RPGRIP1L: variants seen among roughly 807,000 people sequenced by gnomAD.
The protein encoded by RPGRIP1L is protein fantom.
RPGRIP1L carries 131 observed loss-of-function variants against 160.4 expected under a neutral mutation model. The ratio of observed to expected loss-of-function variants is 0.82; its 90% confidence interval spans 0.71 to 0.94. The LOEUF (loss-of-function observed/expected upper bound fraction) is 0.94. Ranked by LOEUF, RPGRIP1L falls within the 40% of genes least tolerant of loss-of-function variation. The pLI is 0.00. For synonymous variants in RPGRIP1L, 510 were observed against 515.8 expected, an observed-to-expected ratio of 0.99 and a Z score of 0.15; for missense variants, 1,522 against 1,535.8, an observed-to-expected ratio of 0.99 and a Z score of 0.15.
rs1302178966 is a variant in RPGRIP1L, at chr16:53,664,863, A to T, written c.1243+7T>A. On this transcript the variant is annotated splice_region_variant and intron_variant, in intron 10 of 26. Transcript: ENST00000647211. The stretch of plus-strand genomic sequence containing the variant: ...AATGAGTAAGGCAGTGGTTATTTCA[A>T]ATGTACCTCTTTCAGTTTTTAATCT... The T allele has an allele frequency of 4.4e-6, 7 of 1,609,026 alleles. No homozygotes were observed. The highest frequency in any genetic ancestry group is 5.9e-6 in the Non-Finnish European group (7 of 1,179,714).
chr16:53,692,730 C>T (rs144376049), intron 3 of RPGRIP1L, among the ~76,000 whole-genome samples: 247 of 152,316 alleles, frequency 1.6e-3, no homozygotes, highest in Non-Finnish European at 2.5e-3. Flanking sequence ...GTTATATCTG[C>T]AATCCACAGT....
rs747502015 is a variant in RPGRIP1L, at chr16:53,611,006, A to C, written c.3662T>G (p.Leu1221Ter). 1 of 1,613,396 alleles carries C rather than the reference A, an allele frequency of 6.2e-7. No individual in the cohort carries two copies. The highest frequency in any genetic ancestry group is 8.5e-7 in the Non-Finnish European group (1 of 1,179,422). Residue 1221 changes from leucine (L) to a stop codon, truncating the protein, a stop_gained, in exon 25 of 27, where the codon TTA (leucine) becomes TGA (stop). Transcript: ENST00000647211. LOFTEE classifies it high-confidence loss of function. ...KENNKAKRDI[L>*]KAILQKQEMP... ...CTCTTGTTTTTGTAGTATAGCTTTT[A>C]AGATGTCTCTCTTTGCTTTGTTGTT...
intron 24 of RPGRIP1L, among the ~76,000 whole-genome samples, chr16:53,615,764 G>A (rs963189469): frequency 6.6e-6 from 1 of 151,108 alleles, no homozygotes; most frequent in African/African-American, 2.4e-5. Flanking sequence ...ATGCCAGGAC[G>A]ACTTTTGTAT....
At chr16:53,637,615 A>G in intron 21 of RPGRIP1L, 80 bp downstream of exon 21, 1 of 1,224,344 alleles carries the variant, frequency 8.2e-7, no homozygotes, top group South Asian at 1.2e-5. Flanking sequence ...TTAAATGAAG[A>G]TGTTCTATGA....
chr16:53,669,389 G>T, intron 9 of RPGRIP1L, among the ~76,000 whole-genome samples: 1 of 151,508 alleles, frequency 6.6e-6, no homozygotes, highest in South Asian at 2.1e-4. Flanking sequence ...TAAACTTCAC[G>T]TGTGAGCAGC....
intron 23 of RPGRIP1L, 78 bp downstream of exon 23, chr16:53,622,141 G>T: frequency 2.0e-6 from 1 of 488,710 alleles, no homozygotes; most frequent in East Asian, 3.4e-5. Context: ...GAGGTGGGCG[G>T]ATCATGAGGT....
intron 9 of RPGRIP1L, among the ~76,000 whole-genome samples, chr16:53,667,489 A>G (rs1245236982): frequency 2.0e-5 from 3 of 152,220 alleles, no homozygotes; most frequent in Non-Finnish European, 4.4e-5. Flanking sequence ...TGTAATCCCA[A>G]TGCTTTGGGA....
intron 22 of RPGRIP1L, among the ~76,000 whole-genome samples, chr16:53,629,400 G>A (rs62050405): frequency 0.058 from 8,766 of 151,934 alleles, 434 homozygotes; most frequent in African/African-American, 0.14. Context: ...TAGGTCTCTG[G>A]TGGGGCCAAG....
intron 10 of RPGRIP1L, among the ~76,000 whole-genome samples, chr16:53,662,632 G>T (rs1209324533): frequency 6.6e-6 from 1 of 151,884 alleles, no homozygotes; most frequent in African/African-American, 2.4e-5. Flanking sequence ...GACAGTTTCG[G>T]TTTTTTTGTG....
intron 3 of RPGRIP1L, 57 bp from the exon 4 acceptor site, chr16:53,692,421 C>T: frequency 6.6e-6 from 10 of 1,509,636 alleles, no homozygotes; most frequent in Non-Finnish European, 9.2e-6. Context: ...AAAATCCATT[C>T]TGTTGAAAGG....
chr16:53,614,813 AT>A (rs1331326175), intron 24 of RPGRIP1L, among the ~76,000 whole-genome samples: 1 of 152,212 alleles, frequency 6.6e-6, no homozygotes, highest in Non-Finnish European at 1.5e-5. Flanking sequence ...GACTTGTATG[AT>A]TTTGACATAA....
At position 53,652,642 on chromosome 16, in the gene RPGRIP1L, A is replaced by C. The variant is rs1248595505; in HGVS notation, c.2045T>G (p.Val682Gly). The C allele has an allele frequency of 1.2e-6, 2 of 1,613,618 alleles. No homozygotes were observed. The highest frequency in any genetic ancestry group is 1.7e-6 in the Non-Finnish European group (2 of 1,179,626). Reference sequence around the variant, plus strand: ...ATATTCTGTGCTATAAGCCTGGTGGACCTCAAGGGTGATAGTATTCTTCTG... The same window carrying C: ...ATATTCTGTGCTATAAGCCTGGTGGCCCTCAAGGGTGATAGTATTCTTCTG... ...YIQKNTITLE[V>G]HQAYSTEYET... The change falls in exon 15 of 27, where the codon GTC becomes GGC. Residue 682 changes from valine (V) to glycine (G), a missense_variant. By Grantham distance (109) the Val-to-Gly change is moderately radical (BLOSUM62 -3). Coordinates refer to ENST00000647211, the MANE Select transcript of RPGRIP1L (RefSeq NM_015272.5).
intron 25 of RPGRIP1L, among the ~76,000 whole-genome samples, chr16:53,606,932 GA>G (rs1355639374): frequency 6.6e-6 from 1 of 152,052 alleles, no homozygotes; most frequent in African/African-American, 2.4e-5. Flanking sequence ...ATTTTTATTA[GA>G]AAATAGAAAT....
intron 24 of RPGRIP1L, among the ~76,000 whole-genome samples, chr16:53,615,996 C>T (rs925133108): frequency 6.6e-6 from 1 of 152,162 alleles, no homozygotes; most frequent in African/African-American, 2.4e-5. Context: ...CACTAGTCTG[C>T]ATCTCTCATT....
intron 19 of RPGRIP1L, among the ~76,000 whole-genome samples, 169 bp downstream of exon 19, chr16:53,640,864 C>G (rs1288702728): frequency 1.3e-5 from 2 of 152,072 alleles, no homozygotes; most frequent in African/African-American, 2.4e-5. Flanking sequence ...AAAATTTGAA[C>G]AGTTAACACT....
chr16:53,622,022 C>CAAAAAAA (rs36057385), intron 23 of RPGRIP1L, among the ~76,000 whole-genome samples, 197 bp downstream of exon 23: 1 of 24,134 alleles, frequency 4.1e-5, no homozygotes, highest in Non-Finnish European at 7.8e-5. Flanking sequence ...GACTCCGTCT[C>CAAAAAAA]AAAAAAAAAA....
chr16:53,624,659 G>C (rs939949750), intron 22 of RPGRIP1L, among the ~76,000 whole-genome samples: 2 of 152,052 alleles, frequency 1.3e-5, no homozygotes, highest in Non-Finnish European at 2.9e-5. Flanking sequence ...ACTATCTCAA[G>C]ACAGGTGAAT....
intron 14 of RPGRIP1L, chr16:53,653,304 T>A (rs1244698630): frequency 1.7e-6 from 2 of 1,146,530 alleles, no homozygotes; most frequent in Non-Finnish European, 2.1e-6. Flanking sequence ...TTTCACCTGC[T>A]TCCCTGTCTC....
At chr16:53,638,985 T>C (rs1408981832) in intron 19 of RPGRIP1L, among the ~76,000 whole-genome samples, 1 of 151,836 alleles carries the variant, frequency 6.6e-6, no homozygotes, top group East Asian at 1.9e-4. Context: ...ACTGTTTTTT[T>C]TTTCTTCTTT....
Sources: allele counts gnomAD v4.1 joint callset (sites outside exome capture counted in the v4.1 genomes callset), GRCh38; gene constraint gnomAD v4.1.1; transcripts MANE v1.5; gene names NCBI Gene and HGNC (gene_info 2026-07-23, HGNC 2026-07-21).